The following ADGB variants were observed in gnomAD, a reference collection of about 807,000 sequenced individuals.
The protein encoded by ADGB is calpain-7-like protein.
In ADGB, 172 loss-of-function variants were observed where a neutral mutation model predicts 210.5. The ratio of observed to expected loss-of-function variants is 0.82; its 90% CI spans 0.72 to 0.93. The LOEUF (loss-of-function observed/expected upper bound fraction) is 0.93. ADGB is among the 40% of genes least tolerant of loss of function. The probability of loss-of-function intolerance (pLI) is 0.00; values close to 1 mark genes in which losing one functional copy is unlikely to be tolerated. For missense variants in ADGB, 2,025 were observed against 1,964.8 expected (o/e 1.03, Z -0.58); for synonymous variants, 658 against 662.7 (o/e 0.99, Z 0.11).
At chr6:146,795,234 C>T (rs1279732974) in intron 33 of ADGB, among the ~76,000 whole-genome samples, 1 of 152,052 alleles carries the variant, frequency 6.6e-6, no homozygotes, top group Non-Finnish European at 1.5e-5. Flanking sequence ...ATCAATTGCA[C>T]ATGGGAACAG....
chr6:146,715,244 G>T (rs1214350885), intron 13 of ADGB, 138 bp from the exon 14 acceptor site: 1 of 686,942 alleles, frequency 1.5e-6, no homozygotes, highest in East Asian at 3.1e-5. Flanking sequence ...AAATTTTTTT[G>T]GTAGGTTTTA....
At chr6:146,715,788 G>T (rs1053809307) in intron 14 of ADGB, among the ~76,000 whole-genome samples, 1 of 151,952 alleles carries the variant, frequency 6.6e-6, no homozygotes, top group African/African-American at 2.4e-5. Context: ...ATGCTATGCC[G>T]GCCAGGTGCA....
At chr6:146,636,991 T>C (rs1472289257) in intron 2 of ADGB, among the ~76,000 whole-genome samples, 1 of 151,934 alleles carries the variant, frequency 6.6e-6, no homozygotes, top group African/African-American at 2.4e-5. Context: ...TTTAGCTAAG[T>C]GATGAGAACT....
intron 13 of ADGB, among the ~76,000 whole-genome samples, chr6:146,703,341 T>C (rs1249338730): frequency 6.6e-6 from 1 of 151,936 alleles, no homozygotes; most frequent in African/African-American, 2.4e-5. Context: ...TTGAGCTGAT[T>C]AATATATGTA....
At chr6:146,731,324 A>G (rs1446897129) in intron 20 of ADGB, among the ~76,000 whole-genome samples, 1 of 150,944 alleles carries the variant, frequency 6.6e-6, no homozygotes, top group Non-Finnish European at 1.5e-5. Flanking sequence ...AAGGTCTAAA[A>G]TTAAACAAAT....
chr6:146,686,297 T>G (rs1000063543), intron 10 of ADGB, among the ~76,000 whole-genome samples: 1 of 152,064 alleles, frequency 6.6e-6, no homozygotes, highest in Non-Finnish European at 1.5e-5. Context: ...ACAAAATAAA[T>G]GCTAATTGTT....
chr6:146,681,470 G>A (rs939643257), intron 9 of ADGB, among the ~76,000 whole-genome samples: 3 of 152,056 alleles, frequency 2.0e-5, no homozygotes, highest in African/African-American at 7.2e-5. Flanking sequence ...TCTCTTTATA[G>A]CCATGCAAGT....
intron 4 of ADGB, among the ~76,000 whole-genome samples, chr6:146,654,815 T>C (rs191199546): frequency 6.6e-6 from 1 of 152,300 alleles, no homozygotes; most frequent in Admixed American, 6.5e-5. Context: ...TGTATATGTG[T>C]GTTAAGAACA....
Position 146,774,060 on chromosome 6 carries a change from T to A in ADGB, c.3862+4929T>A, listed in dbSNP as rs1183511168. On this transcript the variant is annotated intron_variant, in intron 29 of 35. Coordinates refer to ENST00000397944, the MANE Select transcript of ADGB (RefSeq NM_024694.4). ...TAGGGCTTTGAATGGAGAAAAGTAA[T>A]AATATACAGTAGTACTGGCTTCATA... Among the ~76,000 whole-genome samples the A allele has an allele frequency of 2.0e-5, 3 of 152,114 alleles. No individual in the cohort carries two copies. The East Asian group carries it at 5.8e-4, about 29-fold the overall frequency.
intron 30 of ADGB, among the ~76,000 whole-genome samples, chr6:146,783,049 A>C (rs1052535740): frequency 6.6e-6 from 1 of 152,194 alleles, no homozygotes; most frequent in African/African-American, 2.4e-5. Context: ...AAAAGACAGG[A>C]GAGGAAGATA....
At chr6:146,606,486 A>G (rs890571871) in intron 1 of ADGB, among the ~76,000 whole-genome samples, 2 of 152,154 alleles carry the variant, frequency 1.3e-5, no homozygotes, top group African/African-American at 4.8e-5. Flanking sequence ...TATGTCCAGA[A>G]TGGTATCTCC....
intron 14 of ADGB, 84 bp from the exon 15 acceptor site, chr6:146,716,799 T>A: frequency 7.6e-7 from 1 of 1,311,602 alleles, no homozygotes; most frequent in Non-Finnish European, 1.0e-6. Flanking sequence ...GACTTTGATA[T>A]TTAAGTTTCC....
At chr6:146,624,338 C>T (rs1322768) in intron 1 of ADGB, among the ~76,000 whole-genome samples, 120,063 of 151,770 alleles carry the variant, frequency 0.79, 47,777 homozygotes, top group African/African-American at 0.89. Flanking sequence ...GAATTGATAA[C>T]TTTATAAGTT....
Position 146,664,206 on chromosome 6 carries a change from C to T in ADGB, c.618C>T (p.Cys206=). The T allele has an allele frequency of 6.5e-7, 1 of 1,543,528 alleles. No homozygotes were observed. The highest frequency in any genetic ancestry group is 8.7e-7 in the Non-Finnish European group (1 of 1,143,312). ...KYVVKLYWMG[C]WRKITIDDFL... ...TTCTTTCATCTTATTTTTAGGGTTG[C>T]TGGAGAAAGATAACAATTGATGACT... The change falls in exon 6 of 36, where the codon TGC becomes TGT. Residue 206 remains cysteine, a synonymous_variant. Coordinates refer to ENST00000397944, the MANE Select transcript of ADGB (RefSeq NM_024694.4).
chr6:146,708,271 T>C (rs1776604985), intron 13 of ADGB, among the ~76,000 whole-genome samples: 1 of 152,140 alleles, frequency 6.6e-6, no homozygotes, highest in African/African-American at 2.4e-5. Context: ...ATTACAGTAT[T>C]AGAGTATTCT....
chr6:146,773,425 A>G (rs1374984444), intron 29 of ADGB, among the ~76,000 whole-genome samples: 1 of 152,188 alleles, frequency 6.6e-6, no homozygotes, highest in Non-Finnish European at 1.5e-5. Context: ...AAATGAGCAC[A>G]TACAATTTTA....
At chr6:146,784,554 G>T in intron 30 of ADGB, 64 bp from the exon 31 acceptor site, 1 of 1,267,044 alleles carries the variant, frequency 7.9e-7, no homozygotes. Flanking sequence ...GTATCATATG[G>T]TAAAATCTAG....
chr6:146,707,199 G>T (rs1235291122), intron 13 of ADGB, among the ~76,000 whole-genome samples: 1 of 152,086 alleles, frequency 6.6e-6, no homozygotes, highest in Non-Finnish European at 1.5e-5. Flanking sequence ...GTTATAAAAG[G>T]TAGTTATATG....
intron 3 of ADGB, among the ~76,000 whole-genome samples, chr6:146,653,721 A>G (rs557546459): frequency 1.3e-5 from 2 of 152,280 alleles, no homozygotes; most frequent in South Asian, 4.1e-4. Context: ...AAACCCACAC[A>G]TGTACCCCAA....
Sources: allele counts gnomAD v4.1 joint callset (sites outside exome capture counted in the v4.1 genomes callset), GRCh38; gene constraint gnomAD v4.1.1; transcripts MANE v1.5; gene names NCBI Gene and HGNC (gene_info 2026-07-23, HGNC 2026-07-21).